RTKN: variants seen among roughly 807,000 people sequenced by gnomAD.
RTKN encodes rhotekin.
Under a neutral mutation model 63.5 loss-of-function variants are expected in RTKN, and 49 were observed. The observed-to-expected ratio is 0.77, with a 90% CI of 0.61 to 0.98. RTKN has a LOEUF of 0.98. RTKN is among the 50% of genes least tolerant of loss of function. The pLI is 0.00. For missense variants in RTKN, 685 were observed against 740.8 expected (o/e 0.92, Z 0.87); for synonymous variants, 295 against 290.4 (o/e 1.02, Z -0.16).
intron 1 of RTKN, chr2:74,439,728 A>G (rs1671248129): frequency 6.4e-7 from 1 of 1,550,740 alleles, no homozygotes; most frequent in African/African-American, 1.4e-5. Context: ...CTCAGTCTTT[A>G]AAGAGGTGGC....
chr2:74,429,130 T>C (rs1305475968), intron 6 of RTKN, among the ~76,000 whole-genome samples, 188 bp from the exon 7 acceptor site: 1 of 152,190 alleles, frequency 6.6e-6, no homozygotes, highest in Admixed American at 6.5e-5. Context: ...TTATATGTTT[T>C]ATCCCACTGT....
intron 6 of RTKN, among the ~76,000 whole-genome samples, chr2:74,429,289 A>G (rs2103883134): frequency 6.6e-6 from 1 of 152,218 alleles, no homozygotes; most frequent in African/African-American, 2.4e-5. Flanking sequence ...CAAAATCAGT[A>G]TTCTGTTCAC....
Position 74,427,158 on chromosome 2 carries a change from C to G in RTKN, c.1360+11G>C. 6.2e-7 allele frequency: 1 copy of G among 1,610,428 alleles called. No individual in the cohort carries two copies. Reference sequence around the variant, plus strand: ...CATTAGCTTCCTGGAGTTCACATTCCTCTCACTTACCCATCTCATGGTACA... The same window carrying G: ...CATTAGCTTCCTGGAGTTCACATTCGTCTCACTTACCCATCTCATGGTACA... On this transcript the variant is annotated intron_variant, in intron 11 of 11. Coordinates refer to ENST00000272430, the MANE Select transcript of RTKN (RefSeq NM_001015055.2).
At position 74,428,959 on chromosome 2, in the gene RTKN, A is replaced by G. The variant is rs1229215748; in HGVS notation, c.756-17T>C. The G allele has an allele frequency of 6.2e-6, 10 of 1,604,946 alleles. No individual in the cohort carries two copies. The highest frequency in any genetic ancestry group is 7.7e-6 in the Non-Finnish European group (9 of 1,172,050). On this transcript the variant is annotated splice_polypyrimidine_tract_variant and intron_variant, in intron 6 of 11. Coordinates refer to ENST00000272430, the MANE Select transcript of RTKN (RefSeq NM_001015055.2). ...CGAGGACCACTGAGGGAGATAGGAG[A>G]GAGCATCAGCCAAGGGAGGGGCATG...
chr2:74,428,801 C>G, intron 7 of RTKN, 47 bp downstream of exon 7: 1 of 1,606,154 alleles, frequency 6.2e-7, no homozygotes, highest in South Asian at 1.1e-5. Flanking sequence ...CACAGCCCCT[C>G]TTCTCACCAT....
At chr2:74,435,009 G>C (rs750132463) in intron 1 of RTKN, among the ~76,000 whole-genome samples, 1 of 152,164 alleles carries the variant, frequency 6.6e-6, no homozygotes, top group Non-Finnish European at 1.5e-5. Flanking sequence ...AGTGGACAAG[G>C]AGCATACCAC....
chr2:74,430,859 G>A, intron 2 of RTKN, 182 bp from the exon 3 acceptor site: 1 of 614,980 alleles, frequency 1.6e-6, no homozygotes, highest in African/African-American at 1.8e-5. Flanking sequence ...AGTTTGCCAG[G>A]CTTGGGGACA....
At chr2:74,427,319 C>T (rs779445255) in intron 10 of RTKN, 46 bp from the exon 11 acceptor site, 2 of 1,608,930 alleles carry the variant, frequency 1.2e-6, no homozygotes, top group Non-Finnish European at 1.7e-6. Context: ...GCTGCCCTTT[C>T]TCCTGCTACA....
Position 74,428,402 on chromosome 2 carries a change from C to T in RTKN, c.958-6G>A. ...TTCTGCATCTCCCCAGCTTGCTGCA[C>T]AAATGACTCAACATTTTCTGGGGAA... is the stretch of plus-strand genomic sequence containing the variant. On this transcript the variant is annotated splice_polypyrimidine_tract_variant and splice_region_variant and intron_variant, in intron 8 of 11. Transcript: ENST00000272430. 6.2e-7 allele frequency: 1 copy of T among 1,614,188 alleles called. No individual in the cohort carries two copies. The highest frequency in any genetic ancestry group is 8.5e-7 in the Non-Finnish European group (1 of 1,180,028).
intron 5 of RTKN, 77 bp from the exon 6 acceptor site, chr2:74,430,114 T>C (rs1670661998): frequency 1.3e-6 from 2 of 1,553,954 alleles, no homozygotes; most frequent in Non-Finnish European, 1.8e-6. Context: ...GTGAGGCAAG[T>C]GCAGGACAGC....
At chr2:74,433,140 G>T (rs1214207407) in intron 1 of RTKN, among the ~76,000 whole-genome samples, 1 of 151,764 alleles carries the variant, frequency 6.6e-6, no homozygotes, top group Non-Finnish European at 1.5e-5. Flanking sequence ...CTACTTGGGA[G>T]GCTGAGGCAG....
intron 1 of RTKN, among the ~76,000 whole-genome samples, chr2:74,440,784 A>C (rs1232440504): frequency 1.3e-5 from 2 of 152,232 alleles, no homozygotes; most frequent in Non-Finnish European, 2.9e-5. Flanking sequence ...CGCCGGGACA[A>C]GGGTGTGAAA....
chr2:74,439,871 A>G (rs749853675), intron 1 of RTKN: 1 of 1,338,266 alleles, frequency 7.5e-7, no homozygotes, highest in Non-Finnish European at 9.6e-7. Context: ...GGGAAGAAAA[A>G]GAAAGCGAAG....
chr2:74,432,903 G>A (rs570337532), intron 1 of RTKN, among the ~76,000 whole-genome samples: 2 of 152,106 alleles, frequency 1.3e-5, no homozygotes, highest in Non-Finnish European at 2.9e-5. Context: ...CTTGAGCCTA[G>A]GAGATCAAGG....
intron 2 of RTKN, 80 bp downstream of exon 2, chr2:74,432,387 T>C (rs1670798771): frequency 7.5e-7 from 1 of 1,329,014 alleles, no homozygotes; most frequent in East Asian, 2.3e-5. Context: ...GTGGTCCACA[T>C]GCCACACACG....
Position 74,432,614 on chromosome 2 carries a change from G to A in RTKN, c.164C>T (p.Ala55Val). The change falls in exon 2 of 12, where the codon GCC (alanine) becomes GTC (valine). Residue 55 changes from alanine (A) to valine (V), a missense_variant. Coordinates refer to ENST00000272430, the MANE Select transcript of RTKN (RefSeq NM_001015055.2). ...LDHEIRMREG[A>V]CKLLAACSQR... ...GGAGCAGGCTGCCAGCAGCTTACAG[G>A]CCCCTTCCCTCATCCGGATCTCATG... is the stretch of plus-strand genomic sequence containing the variant. 6.2e-7 allele frequency: 1 copy of A among 1,614,142 alleles called. No homozygotes were observed. The highest frequency in any genetic ancestry group is 8.5e-7 in the Non-Finnish European group (1 of 1,180,022).
chr2:74,441,867 G>T lies in RTKN; in HGVS notation c.-51C>A. Reference sequence around the variant, plus strand: ...CTCAGTGCGCTCCCCGCGCCGCCCGGCTTAGCCTCCTCTCCTCGGCTTCTG... The same window carrying T: ...CTCAGTGCGCTCCCCGCGCCGCCCGTCTTAGCCTCCTCTCCTCGGCTTCTG... On this transcript the variant is annotated 5_prime_UTR_variant, in exon 1 of 12. Coordinates refer to ENST00000272430, the MANE Select transcript of RTKN (RefSeq NM_001015055.2). The T allele has an allele frequency of 8.6e-7, 1 of 1,168,722 alleles. No homozygotes were observed. Among genetic ancestry groups the T allele is most frequent in the Non-Finnish European group, 1.3e-6 (1 of 798,578 alleles). The allele number at this position is 1,168,722 out of a possible 1,614,324, so 72.4% of individuals were successfully genotyped here.
chr2:74,439,520 G>A, intron 1 of RTKN: 1 of 1,611,332 alleles, frequency 6.2e-7, no homozygotes, highest in Non-Finnish European at 8.5e-7. Context: ...GCAAGTGAAG[G>A]AGGTGTGTAC....
At position 74,441,778 on chromosome 2, in the gene RTKN, G is replaced by A. The variant is rs745520307; in HGVS notation, c.39C>T (p.Ala13=). ...SRNHRSRVTV[A]RGSALEMEFK... ...ACTCCATCTCCAGGGCGGAGCCCCT[G>A]GCCACGGTGACCCGGCTCCGGTGGT... Residue 13 remains alanine, a synonymous_variant, in exon 1 of 12, where the codon GCC becomes GCT. Coordinates refer to ENST00000272430, the MANE Select transcript of RTKN (RefSeq NM_001015055.2). 6 of 1,611,886 alleles carry A rather than the reference G, an allele frequency of 3.7e-6. No individual in the cohort carries two copies. In the South Asian group the frequency reaches 5.5e-5, roughly 15 times the overall value.
Sources: gnomAD v4.1 joint callset for allele counts (sites outside exome capture counted in the v4.1 genomes callset) on GRCh38, gnomAD v4.1.1 for gene constraint, MANE v1.5 for transcripts, NCBI Gene and HGNC (gene_info 2026-07-23, HGNC 2026-07-21) for gene names.